Variants in CDK2AP1 observed in about 807,000 individuals in gnomAD.
CDK2AP1 encodes cyclin-dependent kinase 2-associated protein 1.
A neutral mutation model predicts 14.1 loss-of-function variants in CDK2AP1; 10 were observed. That is an observed-to-expected ratio of 0.71 (90% CI 0.44 to 1.20). The LOEUF (loss-of-function observed/expected upper bound fraction) is 1.20, where lower values mean the gene tolerates loss of function less well. Ranked by LOEUF, CDK2AP1 falls within the 50% of genes most tolerant of loss-of-function variation. The pLI is 0.00. For synonymous variants in CDK2AP1, 59 were observed against 59.8 expected (o/e 0.99, Z 0.06); for missense variants, 102 against 149.9 (o/e 0.68, Z 1.67).
At chr12:123,268,862 T>C (rs1451186048) in intron 1 of CDK2AP1, among the ~76,000 whole-genome samples, 1 of 152,228 alleles carries the variant, frequency 6.6e-6, no homozygotes, top group Admixed American at 6.5e-5. Context: ...GCTTCTGATG[T>C]GGCAGCAAGC....
intron 1 of CDK2AP1, among the ~76,000 whole-genome samples, chr12:123,268,898 C>A (rs1325097649): frequency 6.6e-6 from 1 of 152,186 alleles, no homozygotes; most frequent in African/African-American, 2.4e-5. Context: ...CAGGCTCTGC[C>A]GGCACAGACC....
Position 123,265,521 on chromosome 12 carries a change from AG to A in CDK2AP1, c.154-200del, listed in dbSNP as rs1309729583. On this transcript the variant is annotated intron_variant, in intron 2 of 3. Transcript: ENST00000261692. This position sits in a 1 kb window ranked among gnomAD's most constrained non-coding sequence, Gnocchi z 5.3. ...CCATCTCGGGGGAAAAAAAAAAAAA[AG>A]GGTTCAGCAGCCTGACCCCAAGGCC... Among the ~76,000 whole-genome samples, 25 of 118,594 alleles carry A rather than the reference AG, an allele frequency of 2.1e-4. No homozygotes were observed. Among genetic ancestry groups the A allele is most frequent in the Admixed American group, 4.5e-4 (5 of 11,150 alleles). The allele number at this position is 118,594 out of a possible 152,430, so 77.8% of individuals were successfully genotyped here.
Position 123,265,107 on chromosome 12 carries a change from G to T in CDK2AP1, c.280+89C>A. 6.4e-7 allele frequency: 1 copy of T among 1,552,808 alleles called. No individual in the cohort carries two copies. Among genetic ancestry groups the T allele is most frequent in the Non-Finnish European group, 8.8e-7 (1 of 1,134,134 alleles). ...CTCCCATGAGTGAGCCTCATCCCTA[G>T]CCCACCTTCCCACATTTTCCCCAAA... On this transcript the variant is annotated intron_variant, in intron 3 of 3. Transcript: ENST00000261692. This position sits in a 1 kb window ranked among gnomAD's most constrained non-coding sequence, Gnocchi z 5.3.
intron 1 of CDK2AP1, among the ~76,000 whole-genome samples, chr12:123,271,335 G>T (rs2048352183): frequency 6.8e-6 from 1 of 147,182 alleles, no homozygotes. Flanking sequence ...GGTCACCCCG[G>T]GCCGCCCGCC....
chr12:123,263,030 A>G (rs2138810448), intron 3 of CDK2AP1, among the ~76,000 whole-genome samples: 1 of 151,758 alleles, frequency 6.6e-6, no homozygotes, highest in South Asian at 2.1e-4. Context: ...CCTGGCCAAC[A>G]TGGTACAACC....
rs1350144308 is a variant in CDK2AP1, at chr12:123,271,759, C to CG, written c.-142dup. The CG allele has an allele frequency of 6.1e-6, 1 of 164,394 alleles. No homozygotes were observed. Among genetic ancestry groups the CG allele is most frequent in the Non-Finnish European group, 1.2e-5 (1 of 82,404 alleles). The allele number at this position is 164,394 out of a possible 1,614,324, so 10.2% of individuals were successfully genotyped here. On this transcript the variant is annotated 5_prime_UTR_variant, in exon 1 of 4. Transcript: ENST00000261692. ...GCGCCCGCGCACTTTTTGTTGTCGG[C>CG]GGCTCGGGCCGCGCCGGCAAATATG...
chr12:123,270,857 C>T (rs374172940), intron 1 of CDK2AP1: 3 of 985,262 alleles, frequency 3.0e-6, no homozygotes, highest in Non-Finnish European at 3.6e-6. Context: ...AGCCCCAGAG[C>T]TGCGCCAACT....
chr12:123,266,667 T>TG (rs894673635), intron 2 of CDK2AP1, among the ~76,000 whole-genome samples: 6 of 152,180 alleles, frequency 3.9e-5, no homozygotes, highest in South Asian at 2.1e-4. Context: ...AGTTACCAAG[T>TG]GGGGGGTCAC....
Position 123,267,172 on chromosome 12 carries a change from C to A in CDK2AP1, c.153+13G>T. 2 of 1,481,062 alleles carry A rather than the reference C, an allele frequency of 1.4e-6. No individual in the cohort carries two copies. Among genetic ancestry groups the A allele is most frequent in the Non-Finnish European group, 1.9e-6 (2 of 1,058,796 alleles). 91.7% of individuals were successfully genotyped at this position (1,481,062 alleles called of 1,614,324 possible). A position where few individuals can be genotyped will look rare whatever the true frequency, so the allele number is the denominator to read the frequency against. ...CTGGCCCTCCCACCATGCCATCACC[C>A]CCATTGACATACCTGGGTGTAGCCT... On this transcript the variant is annotated intron_variant, in intron 2 of 3. Transcript: ENST00000261692.
At chr12:123,268,216 G>C (rs2048317583) in intron 1 of CDK2AP1, 1 of 985,460 alleles carries the variant, frequency 1.0e-6, no homozygotes, top group East Asian at 1.1e-4. Flanking sequence ...GAGCCACACG[G>C]TCTCTCTCTC....
At chr12:123,268,296 C>T in intron 1 of CDK2AP1, 1 of 933,646 alleles carries the variant, frequency 1.1e-6, no homozygotes, top group Non-Finnish European at 1.3e-6. Flanking sequence ...CCAAACCCAC[C>T]AGCTGCTCGC....
intron 3 of CDK2AP1, among the ~76,000 whole-genome samples, chr12:123,264,880 C>T (rs1205044694): frequency 6.6e-6 from 1 of 152,080 alleles, no homozygotes; most frequent in Non-Finnish European, 1.5e-5. Context: ...CAGGCAGGGT[C>T]GGGGGCAGGG....
At chr12:123,270,721 C>T (rs2048346334) in intron 1 of CDK2AP1, among the ~76,000 whole-genome samples, 1 of 152,034 alleles carries the variant, frequency 6.6e-6, no homozygotes, top group South Asian at 2.1e-4. Context: ...GGCCGCAGCC[C>T]CAGGAAGCTT....
At chr12:123,272,050 G>A (rs1164494246), upstream of CDK2AP1, 1 of 149,628 alleles carries the variant, frequency 6.7e-6, no homozygotes, top group East Asian at 1.9e-4. Context: ...GGCGCCCCGG[G>A]GGTGTGCTGG....
At chr12:123,270,931 C>T in intron 1 of CDK2AP1, 1 of 985,306 alleles carries the variant, frequency 1.0e-6, no homozygotes, top group Non-Finnish European at 1.2e-6. Context: ...CCCCTGCTCC[C>T]ACGCTCCCGG....
chr12:123,271,535 T>G, intron 1 of CDK2AP1, 29 bp downstream of exon 1: 1 of 993,420 alleles, frequency 1.0e-6, no homozygotes, highest in African/African-American at 1.8e-5. Flanking sequence ...TTGGCGGCGC[T>G]TGGGGCGCGT....
At chr12:123,264,247 T>C (rs2048263902) in intron 3 of CDK2AP1, among the ~76,000 whole-genome samples, 1 of 151,932 alleles carries the variant, frequency 6.6e-6, no homozygotes, top group Non-Finnish European at 1.5e-5. Context: ...TCACCTGAGG[T>C]TGGGAGTTCA....
At chr12:123,272,208 C>A (rs1308035333), upstream of CDK2AP1, 1 of 152,146 alleles carries the variant, frequency 6.6e-6, no homozygotes, top group Non-Finnish European at 1.5e-5. Context: ...TCATTCCAGA[C>A]GCCCAGGTCT....
chr12:123,268,340 G>A (rs1013116111), intron 1 of CDK2AP1: 34 of 535,174 alleles, frequency 6.4e-5, no homozygotes, highest in Admixed American at 1.3e-4. Flanking sequence ...AGAGGAGGAA[G>A]GAAGTTCAGG....
Sources: allele counts gnomAD v4.1 joint callset (sites outside exome capture counted in the v4.1 genomes callset), GRCh38; gene constraint gnomAD v4.1.1; non-coding constraint Gnocchi (gnomAD v3.1); transcripts MANE v1.5; gene names NCBI Gene and HGNC (gene_info 2026-07-23, HGNC 2026-07-21).